PARP10: variants seen among roughly 807,000 people sequenced by gnomAD.
PARP10 encodes poly(ADP-ribose) polymerase family member 10, also known as protein mono-ADP-ribosyltransferase PARP10.
In PARP10, 56 loss-of-function variants were observed where a neutral mutation model predicts 82.4. The observed-to-expected ratio is 0.68, with a 90% CI of 0.55 to 0.85. The LOEUF (loss-of-function observed/expected upper bound fraction) is 0.85. Ranked by LOEUF, PARP10 falls within the 40% of genes least tolerant of loss-of-function variation. PARP10 has a pLI of 0.00. For synonymous variants in PARP10, 576 were observed against 601.1 expected (o/e 0.96, Z 0.61); for missense variants, 1,227 against 1,379.4 (o/e 0.89, Z 1.75).
At chr8:143,994,231 C>T (rs1416452937), upstream of PARP10, among the ~76,000 whole-genome samples, 1 of 152,228 alleles carries the variant, frequency 6.6e-6, no homozygotes, top group Non-Finnish European at 1.5e-5. Context: ...CAGCACCACC[C>T]TGATGTCCGC....
chr8:143,994,717 C>T (rs757819072), upstream of PARP10, among the ~76,000 whole-genome samples: 1 of 152,170 alleles, frequency 6.6e-6, no homozygotes, highest in Non-Finnish European at 1.5e-5. Flanking sequence ...TCCACCTTGC[C>T]CTCTGCAGCG....
upstream of PARP10, chr8:143,993,217 G>C: frequency 3.8e-6 from 1 of 261,930 alleles, no homozygotes; most frequent in Non-Finnish European, 7.5e-6. Flanking sequence ...TCCTGTCCCA[G>C]CTCCCCAGCC....
chr8:143,982,523 GC>G (rs1380452191), intron 9 of PARP10, among the ~76,000 whole-genome samples: 3 of 152,236 alleles, frequency 2.0e-5, no homozygotes, highest in African/African-American at 7.2e-5. Context: ...ACCGCAGCGA[GC>G]CCGGGCCTTT....
rs1554748819 is a variant in PARP10, at chr8:143,984,865, C to T, written c.1137G>A (p.Leu379=). 1 of 1,613,912 alleles carries T rather than the reference C, an allele frequency of 6.2e-7. No homozygotes were observed. Among genetic ancestry groups the T allele is most frequent in the Admixed American group, 1.7e-5 (1 of 60,018 alleles). Residue 379 remains leucine (L), a synonymous_variant, in exon 5 of 11, where the codon CTG becomes CTA. Transcript: ENST00000313028. The part of the protein sequence containing the change: ...GLQEQEGPMS[L]GPVGSAGPVE... ...CTGGGCCTGCAGACCCCACAGGCCCCAGGCTCATGGGCCCCTCCTGTTCCT... is the reference window on the plus strand; with the variant it reads ...CTGGGCCTGCAGACCCCACAGGCCCTAGGCTCATGGGCCCCTCCTGTTCCT...
chr8:143,987,805 A>C (rs1260454779), upstream of PARP10, among the ~76,000 whole-genome samples: 2 of 152,010 alleles, frequency 1.3e-5, no homozygotes, highest in Non-Finnish European at 2.9e-5. Flanking sequence ...TCAGGAGAAT[A>C]GCTTGAACCT....
At chr8:143,979,956 G>T (rs1479433979) in intron 9 of PARP10, among the ~76,000 whole-genome samples, 1 of 144,874 alleles carries the variant, frequency 6.9e-6, no homozygotes, top group Non-Finnish European at 1.5e-5. Flanking sequence ...AGCTTGCAGT[G>T]AGCCGACATC....
At position 143,985,315 on chromosome 8, in the gene PARP10, C is replaced by T. The variant is rs1833960949; in HGVS notation, c.687G>A (p.Val229=). ...CCTGCAACCGGTGCTCCTGCTGCAACACTCGTTCTGCCACTTGGAGGAAGG... is the reference window on the plus strand; with the variant it reads ...CCTGCAACCGGTGCTCCTGCTGCAATACTCGTTCTGCCACTTGGAGGAAGG... ...SFQQWQVAER[V]LQQEHRLQGS... Residue 229 remains valine, a synonymous_variant, in exon 5 of 11, where the codon GTG becomes GTA. Coordinates refer to ENST00000313028, the MANE Select transcript of PARP10 (RefSeq NM_032789.5). 4 of 1,607,196 alleles carry T rather than the reference C, an allele frequency of 2.5e-6. No individual in the cohort carries two copies. In the South Asian group the frequency reaches 3.3e-5, roughly 13 times the overall value.
upstream of PARP10, chr8:143,991,124 G>A (rs562663764): frequency 9.4e-5 from 70 of 742,722 alleles, no homozygotes; most frequent in East Asian, 2.0e-3. Context: ...CCAGAAGCAG[G>A]TGGAGTTGCG....
At chr8:144,010,896 T>C (rs1834275641) in intron 1 of PARP10, among the ~76,000 whole-genome samples, 1 of 151,530 alleles carries the variant, frequency 6.6e-6, no homozygotes. Flanking sequence ...AAAAAATAAA[T>C]AAATAAATAA....
At chr8:144,012,722 C>T (rs1179413598) in exon 1 of PARP10, 1 of 1,551,644 alleles carries the variant, frequency 6.4e-7, no homozygotes, top group Non-Finnish European at 8.7e-7. Flanking sequence ...CACGCCAGAA[C>T]AATGGTAAGA....
chr8:143,986,372 C>T lies in PARP10; in HGVS notation c.-13G>A. ...ACAGCACTTACATTCCCCGTGGCCGCTAGGCAGCCTCAGGCCATGAGCTCA... is the reference window on the plus strand; with the variant it reads ...ACAGCACTTACATTCCCCGTGGCCGTTAGGCAGCCTCAGGCCATGAGCTCA... On this transcript the variant is annotated 5_prime_UTR_variant, in exon 1 of 11. Transcript: ENST00000313028. 6.2e-7 allele frequency: 1 copy of T among 1,614,174 alleles called. No homozygotes were observed. Among genetic ancestry groups the T allele is most frequent in the African/African-American group, 1.3e-5 (1 of 75,060 alleles).
At chr8:144,010,951 A>G (rs1834276626) in intron 1 of PARP10, among the ~76,000 whole-genome samples, 3 of 152,048 alleles carry the variant, frequency 2.0e-5, no homozygotes, top group South Asian at 4.1e-4. Flanking sequence ...AAGTTGTTCA[A>G]CTGAATGGAT....
chr8:143,992,429 G>A, upstream of PARP10: 1 of 1,613,626 alleles, frequency 6.2e-7, no homozygotes, highest in South Asian at 1.1e-5. Flanking sequence ...GCTTTCCCAG[G>A]CCCAGCCCCA....
At chr8:143,999,539 C>T (rs951598523) in intron 1 of PARP10, among the ~76,000 whole-genome samples, 9 of 151,626 alleles carry the variant, frequency 5.9e-5, no homozygotes, top group South Asian at 2.1e-4. Flanking sequence ...TTTGAGGAGA[C>T]GGGGGTCTCA....
At chr8:143,988,814 C>G (rs1327961246), upstream of PARP10, 1 of 152,220 alleles carries the variant, frequency 6.6e-6, no homozygotes, top group Non-Finnish European at 1.5e-5. Flanking sequence ...TGAGCTTCTG[C>G]TTCTACAAAG....
intron 9 of PARP10, among the ~76,000 whole-genome samples, chr8:143,979,065 C>T (rs1057403232): frequency 1.3e-5 from 2 of 151,888 alleles, no homozygotes; most frequent in South Asian, 2.1e-4. Context: ...CTCCGCCTCC[C>T]GGGTTCACGC....
Position 143,983,699 on chromosome 8 carries a change from C to T in PARP10, c.1890G>A (p.Val630=), listed in dbSNP as rs782439001. ...EGPQEQPEEE[V]TPGHEEEEPV... is the part of the protein sequence containing the mutation. ...GCTCCTCCTCCTCATGCCCTGGGGT[C>T]ACCTCCTCCTCTGGCTGCTCCTGAG... The change falls in exon 8 of 11, where the codon GTG becomes GTA. Residue 630 remains valine, a synonymous_variant. Coordinates refer to ENST00000313028, the MANE Select transcript of PARP10 (RefSeq NM_032789.5). 8.7e-6 allele frequency: 14 copies of T among 1,609,308 alleles called. No homozygotes were observed. Among genetic ancestry groups the T allele is most frequent in the Admixed American group, 5.0e-5 (3 of 59,538 alleles).
Position 143,985,017 on chromosome 8 carries a change from C to T in PARP10, c.985G>A (p.Gly329Arg). ...GTCCTCAGAGAGGTCCCTGACTGCC[C>T]TGGTTCCTGGCCAGAGCCTGTTGTC... is the stretch of plus-strand genomic sequence containing the variant. The part of the protein sequence containing the change: ...IMTTGSGQEP[G>R]QSGTSLRTGP... The change falls in exon 5 of 11, where the codon GGG becomes AGG. Residue 329 changes from glycine (G) to arginine (R), a missense_variant. Transcript: ENST00000313028. 1 of 1,613,930 alleles carries T rather than the reference C, an allele frequency of 6.2e-7. No homozygotes were observed. The highest frequency in any genetic ancestry group is 8.5e-7 in the Non-Finnish European group (1 of 1,179,966).
upstream of PARP10, chr8:143,992,091 C>G (rs531227282): frequency 6.2e-7 from 1 of 1,612,972 alleles, no homozygotes; most frequent in African/African-American, 1.3e-5. Flanking sequence ...AACCCCCAAA[C>G]CTGAGCCTCT....
Sources: allele counts gnomAD v4.1 joint callset (sites outside exome capture counted in the v4.1 genomes callset), GRCh38; gene constraint gnomAD v4.1.1; transcripts MANE v1.5; gene names NCBI Gene and HGNC (gene_info 2026-07-23, HGNC 2026-07-21).